MACROD2: variants seen among roughly 807,000 people sequenced by gnomAD.
MACROD2 encodes ADP-ribose glycohydrolase MACROD2.
MACROD2 carries 36 observed loss-of-function variants against 70.4 expected under a neutral mutation model. That is an observed-to-expected ratio of 0.51 (90% CI 0.39 to 0.68). MACROD2 has a LOEUF of 0.68. Among genes scored for constraint, MACROD2 ranks in the 30% least tolerant of loss-of-function variants. The pLI is 0.00. For missense variants in MACROD2, 496 were observed against 538.4 expected (o/e 0.92, Z 0.78); for synonymous variants, 172 against 178.8 (o/e 0.96, Z 0.30).
At chr20:14,071,026 G>T in intron 2 of MACROD2, among the ~76,000 whole-genome samples, 1 of 152,006 alleles carries the variant, frequency 6.6e-6, no homozygotes, top group East Asian at 1.9e-4. Context: ...CCTTTATATT[G>T]CTCAGTACCT....
Position 15,424,822 on chromosome 20 carries a change from T to A in MACROD2, c.541-6583T>A, listed in dbSNP as rs138631433. 5.9e-3 allele frequency among the ~76,000 whole-genome samples: 903 copies of A among 152,344 alleles called. 8 individuals are homozygous for A. The highest frequency in any genetic ancestry group is 0.02 in the African/African-American group (834 of 41,584). On this transcript the variant is annotated intron_variant, in intron 6 of 17. Coordinates refer to ENST00000684519, the MANE Select transcript of MACROD2 (RefSeq NM_001351661.2). ...CTTACTTGAACTAGGATAACTCTTA[T>A]ATTTGAGGTGTTTTACAATCACACA...
At chr20:15,578,668 G>A (rs2048482788) in intron 8 of MACROD2, among the ~76,000 whole-genome samples, 1 of 21,868 alleles carries the variant, frequency 4.6e-5, no homozygotes, top group Non-Finnish European at 1.1e-3. Context: ...GCTAGAAGGA[G>A]GAACAAGGGG....
intron 4 of MACROD2, among the ~76,000 whole-genome samples, chr20:14,532,842 C>T (rs1482514098): frequency 2.0e-5 from 3 of 152,174 alleles, no homozygotes; most frequent in African/African-American, 7.2e-5. Context: ...CTGGGTGATG[C>T]ATCGGGATTA....
chr20:15,026,963 A>G (rs1050903024), intron 5 of MACROD2, among the ~76,000 whole-genome samples: 2 of 152,172 alleles, frequency 1.3e-5, no homozygotes, highest in Admixed American at 6.5e-5. Flanking sequence ...AACAAGACTT[A>G]ATTAAAAATC....
intron 5 of MACROD2, among the ~76,000 whole-genome samples, chr20:15,117,030 T>G (rs1397267669): frequency 6.6e-6 from 1 of 152,190 alleles, no homozygotes; most frequent in African/African-American, 2.4e-5. Context: ...TGAATTGTAA[T>G]TAAGGTATTT....
chr20:14,686,148 G>A (rs1023518361), intron 5 of MACROD2, among the ~76,000 whole-genome samples: 1 of 152,142 alleles, frequency 6.6e-6, no homozygotes, highest in Non-Finnish European at 1.5e-5. Context: ...ATATATGGCG[G>A]TGGTCCTATA....
At chr20:15,817,789 T>C (rs2063893362) in intron 8 of MACROD2, among the ~76,000 whole-genome samples, 1 of 152,148 alleles carries the variant, frequency 6.6e-6, no homozygotes, top group African/African-American at 2.4e-5. Context: ...GGTTTTAAAT[T>C]GCAATTTTAA....
intron 5 of MACROD2, among the ~76,000 whole-genome samples, chr20:15,199,914 T>A (rs757946230): frequency 8.9e-4 from 135 of 152,240 alleles, no homozygotes; most frequent in Non-Finnish European, 1.2e-3. Context: ...ATACAGCACC[T>A]ACTATTCAAT....
intron 5 of MACROD2, among the ~76,000 whole-genome samples, chr20:15,039,438 G>C (rs1405767109): frequency 6.6e-6 from 1 of 152,122 alleles, no homozygotes; most frequent in Non-Finnish European, 1.5e-5. Flanking sequence ...GACACACCTT[G>C]GTGGAGAAAG....
chr20:14,186,922 G>A (rs1166495985), intron 3 of MACROD2, among the ~76,000 whole-genome samples: 1 of 152,024 alleles, frequency 6.6e-6, no homozygotes, highest in Non-Finnish European at 1.5e-5. Context: ...AAAGATAGGA[G>A]CAGTAGACAC....
At chr20:15,948,723 G>A (rs574290889) in intron 12 of MACROD2, among the ~76,000 whole-genome samples, 285 of 152,176 alleles carry the variant, frequency 1.9e-3, no homozygotes, top group African/African-American at 6.2e-3. Flanking sequence ...ATTCCTAAGT[G>A]GCAATTGGAA....
At chr20:15,234,857 G>T (rs1033261273) in intron 6 of MACROD2, among the ~76,000 whole-genome samples, 7 of 152,016 alleles carry the variant, frequency 4.6e-5, no homozygotes, top group African/African-American at 1.4e-4. Flanking sequence ...TGATGGAGAG[G>T]ATACATAGAT....
In MACROD2 at chr20:15,028,823, C is replaced by T. The variant is rs116598666; in HGVS notation, c.419-201117C>T. 5.0e-3 allele frequency among the ~76,000 whole-genome samples: 759 copies of T among 151,924 alleles called. 12 individuals carry two copies. Among genetic ancestry groups the T allele is most frequent in the African/African-American group, 0.017 (722 of 41,428 alleles). On this transcript the variant is annotated intron_variant, in intron 5 of 17. Coordinates refer to ENST00000684519, the MANE Select transcript of MACROD2 (RefSeq NM_001351661.2). ...AGAAAGAGCATGGCATTTAGAATAACTAGAAAAAAAAATGTTTGTTTTGTG... is the reference window on the plus strand; with the variant it reads ...AGAAAGAGCATGGCATTTAGAATAATTAGAAAAAAAAATGTTTGTTTTGTG...
intron 8 of MACROD2, among the ~76,000 whole-genome samples, chr20:15,520,327 C>G (rs956922801): frequency 6.6e-6 from 1 of 152,168 alleles, no homozygotes; most frequent in Non-Finnish European, 1.5e-5. Flanking sequence ...GGGGCAAATA[C>G]CCACAGGGAG....
At chr20:14,591,349 A>G (rs1440735364) in intron 4 of MACROD2, among the ~76,000 whole-genome samples, 1 of 152,216 alleles carries the variant, frequency 6.6e-6, no homozygotes, top group Non-Finnish European at 1.5e-5. Flanking sequence ...GGCTTCGCTC[A>G]AATTATTATA....
At chr20:14,060,618 C>G (rs764384558) in intron 2 of MACROD2, among the ~76,000 whole-genome samples, 1 of 152,030 alleles carries the variant, frequency 6.6e-6, no homozygotes, top group Non-Finnish European at 1.5e-5. Flanking sequence ...GGGGGAGATT[C>G]GTAATCTTCT....
rs551002826 is a variant in MACROD2 at position 15,401,099 on chromosome 20, G to A, written c.541-30306G>A. 7.1e-3 allele frequency among the ~76,000 whole-genome samples: 1,080 copies of A among 151,436 alleles called. 5 individuals carry two copies. Among genetic ancestry groups the A allele is most frequent in the South Asian group, 0.012 (58 of 4,788 alleles). ...GTCGCCCAGGCTGGAGTGCAGTGGC[G>A]CCATCTCAGCTCACTGCAAGCTCCG... On this transcript the variant is annotated intron_variant, in intron 6 of 17. Transcript: ENST00000684519.
chr20:14,424,099 T>G (rs2083908717), intron 3 of MACROD2, among the ~76,000 whole-genome samples: 1 of 152,140 alleles, frequency 6.6e-6, no homozygotes, highest in Non-Finnish European at 1.5e-5. Context: ...TTTTATATTG[T>G]CCCTTTAAGG....
intron 15 of MACROD2, among the ~76,000 whole-genome samples, chr20:15,993,942 CA>C (rs2066593811): frequency 1.3e-5 from 2 of 152,098 alleles, no homozygotes; most frequent in African/African-American, 4.8e-5. Flanking sequence ...CAGATAATCC[CA>C]CAGAGGGATT....
Sources: allele counts gnomAD v4.1 joint callset (sites outside exome capture counted in the v4.1 genomes callset), GRCh38; gene constraint gnomAD v4.1.1; transcripts MANE v1.5; gene names NCBI Gene and HGNC (gene_info 2026-07-23, HGNC 2026-07-21).